Variants in ERC2 observed in about 807,000 individuals in gnomAD.
ERC2 encodes the protein ELKS/RAB6-interacting/CAST family member 2, also known as ERC protein 2.
ERC2 carries 42 observed loss-of-function variants against 114.8 expected under a neutral mutation model. That is an observed-to-expected ratio of 0.37 (90% CI 0.29 to 0.47). The LOEUF is 0.47. Ranked by LOEUF, ERC2 falls within the 20% of genes least tolerant of loss-of-function variation. The pLI, the probability that ERC2 is intolerant of heterozygous loss-of-function variation, is 0.99. For synonymous variants in ERC2, 454 were observed against 425.5 expected (o/e 1.07, Z -0.82); for missense variants, 939 against 1,150.7 (o/e 0.82, Z 2.66).
intron 14 of ERC2, among the ~76,000 whole-genome samples, chr3:55,880,327 A>G (rs1286036909): frequency 6.6e-6 from 1 of 152,162 alleles, no homozygotes; most frequent in Non-Finnish European, 1.5e-5. Context: ...CTCTATTCTA[A>G]AGTTATTTTC....
chr3:55,942,022 C>T (rs1324014738), intron 13 of ERC2, among the ~76,000 whole-genome samples: 3 of 152,084 alleles, frequency 2.0e-5, no homozygotes, highest in African/African-American at 4.8e-5. Context: ...TGCTGAGGGG[C>T]ACAAGCCTTA....
At chr3:56,036,913 C>A (rs571070300) in intron 7 of ERC2, among the ~76,000 whole-genome samples, 3 of 152,252 alleles carry the variant, frequency 2.0e-5, no homozygotes, top group African/African-American at 7.2e-5. Context: ...AGGGGAGGGG[C>A]AGCTGCCACA....
intron 14 of ERC2, among the ~76,000 whole-genome samples, chr3:55,794,404 C>A (rs2070308908): frequency 6.6e-6 from 1 of 152,114 alleles, no homozygotes; most frequent in African/African-American, 2.4e-5. Flanking sequence ...GAATTATTTC[C>A]TCAGGTTTTC....
intron 12 of ERC2, among the ~76,000 whole-genome samples, chr3:55,971,170 G>A (rs1576406696): frequency 6.6e-6 from 1 of 152,086 alleles, no homozygotes; most frequent in Non-Finnish European, 1.5e-5. Flanking sequence ...GGGGCTGGGG[G>A]AAAGAGGGAA....
intron 13 of ERC2, among the ~76,000 whole-genome samples, chr3:55,909,938 G>C (rs1032127809): frequency 5.3e-5 from 8 of 152,124 alleles, no homozygotes; most frequent in African/African-American, 1.9e-4. Context: ...TATTGAGAAG[G>C]CCTCATTTGT....
chr3:56,157,223 A>G (rs2081777977), intron 4 of ERC2, among the ~76,000 whole-genome samples: 1 of 152,166 alleles, frequency 6.6e-6, no homozygotes, highest in Non-Finnish European at 1.5e-5. Flanking sequence ...CTGGCTTCAG[A>G]GAATGTATGC....
chr3:56,087,807 G>T (rs1046276821), intron 6 of ERC2, among the ~76,000 whole-genome samples: 1 of 152,118 alleles, frequency 6.6e-6, no homozygotes, highest in Non-Finnish European at 1.5e-5. Flanking sequence ...CCTAATCGTA[G>T]ACTTGAGTTA....
chr3:56,452,795 T>C (rs1335302882), intron 1 of ERC2, among the ~76,000 whole-genome samples: 1 of 152,152 alleles, frequency 6.6e-6, no homozygotes, highest in Admixed American at 6.5e-5. Flanking sequence ...TGGCCTCAAG[T>C]GTAACAATGG....
At chr3:55,830,598 G>A (rs1281368381) in intron 14 of ERC2, among the ~76,000 whole-genome samples, 1 of 152,118 alleles carries the variant, frequency 6.6e-6, no homozygotes, top group African/African-American at 2.4e-5. Flanking sequence ...TTAACTCTAA[G>A]TAGACTATGA....
chr3:56,049,097 A>G (rs1327272787), intron 7 of ERC2, among the ~76,000 whole-genome samples: 1 of 152,208 alleles, frequency 6.6e-6, no homozygotes, highest in Non-Finnish European at 1.5e-5. Context: ...GGCATAGCCC[A>G]GATGATAGAG....
chr3:56,382,371 AC>A (rs1458012087), intron 2 of ERC2, among the ~76,000 whole-genome samples: 3 of 151,938 alleles, frequency 2.0e-5, no homozygotes, highest in Non-Finnish European at 4.4e-5. Context: ...TTCTTTCTCC[AC>A]CTACCATCCT....
intron 6 of ERC2, among the ~76,000 whole-genome samples, chr3:56,090,499 T>A (rs1576890891): frequency 6.6e-6 from 1 of 152,078 alleles, no homozygotes; most frequent in African/African-American, 2.4e-5. Flanking sequence ...GTAGTGGAGG[T>A]AGAACAAATA....
Position 55,940,729 on chromosome 3 carries a change from T to A in ERC2, c.2403+9696A>T, listed in dbSNP as rs2066733423. ...CCTCAAAAAACATCATTGGGAATGC[T>A]TGATGAACTGAAGGCAGAGTCTTAC... On this transcript the variant is annotated intron_variant, in intron 13 of 17. Transcript: ENST00000288221. Among the ~76,000 whole-genome samples, 3 of 152,228 alleles carry A rather than the reference T, an allele frequency of 2.0e-5. 1 individual carries two copies. The South Asian group carries it at 6.2e-4, about 32-fold the overall frequency.
At chr3:55,833,228 A>G (rs1181871506) in intron 14 of ERC2, among the ~76,000 whole-genome samples, 3 of 150,530 alleles carry the variant, frequency 2.0e-5, no homozygotes, top group Non-Finnish European at 2.9e-5. Context: ...AGCAAGGCAG[A>G]CCAACATTCA....
chr3:56,361,896 G>A lies in ERC2; in HGVS notation c.658-65461C>T, dbSNP rs866162391. On this transcript the variant is annotated intron_variant, in intron 2 of 17. Transcript: ENST00000288221. Reference sequence around the variant, plus strand: ...CCTGCAGTAACAGCACAACTTCCTTGTAATCTTCACTATTGCTCCCATGAT... The same window carrying A: ...CCTGCAGTAACAGCACAACTTCCTTATAATCTTCACTATTGCTCCCATGAT... 1.7e-4 allele frequency among the ~76,000 whole-genome samples: 26 copies of A among 152,336 alleles called. No homozygotes were observed. The Middle Eastern group carries it at 0.014, about 80-fold the overall frequency.
chr3:55,748,768 C>G (rs946330444), intron 14 of ERC2, among the ~76,000 whole-genome samples: 108 of 152,266 alleles, frequency 7.1e-4, no homozygotes, highest in African/African-American at 2.5e-3. Context: ...CAGTTGCAAT[C>G]AGAAGCTCAA....
intron 2 of ERC2, among the ~76,000 whole-genome samples, chr3:56,378,571 TAAAA>T (rs11316031): frequency 1.5e-5 from 2 of 134,024 alleles, no homozygotes; most frequent in African/African-American, 5.6e-5. Context: ...TAAAGTATAA[TAAAA>T]AAAAAAAAAA....
chr3:55,707,447 A>C (rs373086892), intron 15 of ERC2, among the ~76,000 whole-genome samples: 6 of 149,438 alleles, frequency 4.0e-5, no homozygotes, highest in African/African-American at 1.5e-4. Flanking sequence ...TCAAAAAAAA[A>C]CATTGCTTTC....
intron 3 of ERC2, among the ~76,000 whole-genome samples, chr3:56,242,751 A>G (rs2051407239): frequency 6.6e-6 from 1 of 152,182 alleles, no homozygotes. Context: ...CAAAGAAAGA[A>G]AAAGTTTGCT....
Sources: gnomAD v4.1 joint callset for allele counts (sites outside exome capture counted in the v4.1 genomes callset) on GRCh38, gnomAD v4.1.1 for gene constraint, MANE v1.5 for transcripts, NCBI Gene and HGNC (gene_info 2026-07-23, HGNC 2026-07-21) for gene names.